The following CSMD3 variants were observed in gnomAD, a reference collection of about 807,000 sequenced individuals.
The protein encoded by CSMD3 is CUB and Sushi multiple domains 3, also known as CUB and sushi domain-containing protein 3.
A neutral mutation model predicts 435.2 loss-of-function variants in CSMD3; 177 were observed. The ratio of observed to expected loss-of-function variants is 0.41; its 90% CI spans 0.36 to 0.46. The LOEUF is 0.46. CSMD3 is among the 20% of genes least tolerant of loss of function. The probability of loss-of-function intolerance (pLI) is 0.34; values close to 1 mark genes in which losing one functional copy is unlikely to be tolerated. For missense variants in CSMD3, 4,265 were observed against 4,504.6 expected, an observed-to-expected ratio of 0.95 and a Z score of 1.52; for synonymous variants, 1,656 against 1,520.5, an observed-to-expected ratio of 1.09 and a Z score of -2.07.
intron 63 of CSMD3, among the ~76,000 whole-genome samples, chr8:112,248,904 G>C (rs969036092): frequency 2.6e-5 from 4 of 152,028 alleles, no homozygotes; most frequent in African/African-American, 4.8e-5. Flanking sequence ...TCTCTAGGCT[G>C]TTACATGGAT....
chr8:112,579,410 G>C (rs1246001080), intron 23 of CSMD3, among the ~76,000 whole-genome samples: 1 of 151,996 alleles, frequency 6.6e-6, no homozygotes, highest in Non-Finnish European at 1.5e-5. Flanking sequence ...ATTGAATGTG[G>C]AGTTGGTTAG....
intron 13 of CSMD3, among the ~76,000 whole-genome samples, chr8:112,752,892 T>C (rs1424385115): frequency 7.0e-6 from 1 of 143,764 alleles, no homozygotes; most frequent in African/African-American, 2.6e-5. Flanking sequence ...CTTCAGTATT[T>C]GTTACCGCGT....
chr8:113,169,138 G>A (rs2092220094), intron 4 of CSMD3, among the ~76,000 whole-genome samples: 1 of 152,060 alleles, frequency 6.6e-6, no homozygotes, highest in Non-Finnish European at 1.5e-5. Flanking sequence ...TTTTTGGCAG[G>A]AGAATAATAT....
At chr8:112,984,553 T>C (rs1218096389) in intron 6 of CSMD3, among the ~76,000 whole-genome samples, 1 of 152,090 alleles carries the variant, frequency 6.6e-6, no homozygotes, top group African/African-American at 2.4e-5. Context: ...CTCAGGGTGA[T>C]ACAAATTAGA....
At chr8:112,896,572 C>T (rs76490681) in intron 10 of CSMD3, among the ~76,000 whole-genome samples, 2 of 7,884 alleles carry the variant, frequency 2.5e-4, no homozygotes, top group East Asian at 0.029. Flanking sequence ...CTTATAGATT[C>T]TTTTCCTACT....
intron 5 of CSMD3, among the ~76,000 whole-genome samples, chr8:113,052,756 T>A (rs1180419774): frequency 6.6e-6 from 1 of 152,218 alleles, no homozygotes; most frequent in Non-Finnish European, 1.5e-5. Context: ...GCAGCCTGGA[T>A]AACAGAGACC....
intron 13 of CSMD3, among the ~76,000 whole-genome samples, chr8:112,753,697 A>G (rs1367292760): frequency 6.6e-6 from 1 of 152,180 alleles, no homozygotes; most frequent in African/African-American, 2.4e-5. Context: ...CAGAACTGTT[A>G]AATTCCTGTT....
intron 4 of CSMD3, among the ~76,000 whole-genome samples, chr8:113,149,973 A>AT (rs933868141): frequency 4.0e-5 from 6 of 151,570 alleles, no homozygotes; most frequent in Middle Eastern, 3.4e-3. Flanking sequence ...TGTGAGAAAG[A>AT]TTTTTTTTTC....
intron 5 of CSMD3, among the ~76,000 whole-genome samples, chr8:113,051,417 C>G (rs895373935): frequency 4.6e-5 from 7 of 151,980 alleles, no homozygotes; most frequent in African/African-American, 1.7e-4. Flanking sequence ...ATTCTGACAA[C>G]AATAATGGTC....
chr8:112,369,168 T>C (rs1375931943), intron 38 of CSMD3, among the ~76,000 whole-genome samples: 1 of 152,104 alleles, frequency 6.6e-6, no homozygotes, highest in Non-Finnish European at 1.5e-5. Flanking sequence ...CCTCAAATAT[T>C]GGTTCTTTTC....
chr8:113,275,461 G>T (rs2093562654), intron 3 of CSMD3, among the ~76,000 whole-genome samples: 1 of 151,988 alleles, frequency 6.6e-6, no homozygotes, highest in African/African-American at 2.4e-5. Context: ...TGTAAGTGGG[G>T]CCAAGAATTC....
chr8:112,802,517 T>G (rs1243283127), intron 12 of CSMD3, among the ~76,000 whole-genome samples: 5 of 152,220 alleles, frequency 3.3e-5, no homozygotes, highest in African/African-American at 1.2e-4. Context: ...TTATTTCTCT[T>G]TTTTGCAATC....
In CSMD3 at chr8:112,680,294, G is replaced by T. The variant is rs150580116; in HGVS notation, c.2677+2148C>A. On this transcript the variant is annotated intron_variant, in intron 16 of 70. Coordinates refer to ENST00000297405, the MANE Select transcript of CSMD3 (RefSeq NM_198123.2). ...AATCTCTTGAACCCGGGCGGCGGAG[G>T]TTGCAGTCAGCAGAAATGGTGCCAC... Among the ~76,000 whole-genome samples the T allele has an allele frequency of 3.6e-3, 550 of 152,262 alleles. 4 individuals are homozygous for T. The highest frequency in any genetic ancestry group is 0.013 in the African/African-American group (525 of 41,538).
intron 1 of CSMD3, among the ~76,000 whole-genome samples, chr8:113,362,739 T>G (rs368734498): frequency 6.6e-6 from 1 of 152,276 alleles, no homozygotes; most frequent in South Asian, 2.1e-4. Context: ...AATATCACAC[T>G]TTAGTTTGAA....
At chr8:112,899,733 T>C (rs1165802506) in intron 10 of CSMD3, among the ~76,000 whole-genome samples, 1 of 144,072 alleles carries the variant, frequency 6.9e-6, no homozygotes, top group African/African-American at 2.5e-5. Flanking sequence ...GGTATGCTCA[T>C]TCTCCTTCAG....
chr8:112,922,672 G>T (rs1197062981), intron 9 of CSMD3, among the ~76,000 whole-genome samples: 1 of 151,944 alleles, frequency 6.6e-6, no homozygotes, highest in African/African-American at 2.4e-5. Flanking sequence ...ACAATCTCCA[G>T]TTCCACCCAC....
rs923108417 is a variant in CSMD3 at position 112,263,620 on chromosome 8, T to G, written c.9862+19A>C. The G allele has an allele frequency of 6.2e-7, 1 of 1,609,694 alleles. No homozygotes were observed. The highest frequency in any genetic ancestry group is 2.2e-5 in the East Asian group (1 of 44,764). On this transcript the variant is annotated intron_variant, in intron 61 of 70. Transcript: ENST00000297405. ...TTTGAAAATTTTAAGTAACAGTTGT[T>G]AGTAGAAATCATACTTACGTAAGCA...
At chr8:113,009,534 T>C (rs1371466019) in intron 6 of CSMD3, among the ~76,000 whole-genome samples, 1 of 151,800 alleles carries the variant, frequency 6.6e-6, no homozygotes, top group East Asian at 1.9e-4. Flanking sequence ...AAAAAGCCCT[T>C]GTCACGTTGA....
chr8:113,192,649 C>T (rs913885356), intron 3 of CSMD3, among the ~76,000 whole-genome samples: 5 of 151,422 alleles, frequency 3.3e-5, no homozygotes, highest in Admixed American at 6.6e-5. Context: ...TAAACCCTAT[C>T]GAGTATTTCA....
Sources: allele counts gnomAD v4.1 joint callset (sites outside exome capture counted in the v4.1 genomes callset), GRCh38; gene constraint gnomAD v4.1.1; transcripts MANE v1.5; gene names NCBI Gene and HGNC (gene_info 2026-07-23, HGNC 2026-07-21).